Variants in LOXL2 observed in about 807,000 individuals in gnomAD.
LOXL2 encodes the protein lysyl oxidase homolog 2.
A neutral mutation model predicts 93.0 loss-of-function variants in LOXL2; 70 were observed. The ratio of observed to expected loss-of-function variants is 0.75; its 90% CI spans 0.62 to 0.92. The LOEUF (loss-of-function observed/expected upper bound fraction) is 0.92. LOXL2 is among the 40% of genes least tolerant of loss of function. LOXL2 has a pLI of 0.00. For synonymous variants in LOXL2, 438 were observed against 413.2 expected, an observed-to-expected ratio of 1.06 and a Z score of -0.73; for missense variants, 973 against 1,054.9, an observed-to-expected ratio of 0.92 and a Z score of 1.08.
At chr8:23,299,747 A>T (rs1480191755) in intron 12 of LOXL2, among the ~76,000 whole-genome samples, 4 of 152,176 alleles carry the variant, frequency 2.6e-5, no homozygotes, top group Non-Finnish European at 4.4e-5. Flanking sequence ...AAGGGCTGCG[A>T]CCCACAGCAG....
intron 3 of LOXL2, among the ~76,000 whole-genome samples, chr8:23,353,894 T>C (rs1052921749): frequency 2.6e-5 from 4 of 152,196 alleles, no homozygotes; most frequent in African/African-American, 9.6e-5. Context: ...TTGTTCTGGA[T>C]GCTGGTCAAA....
Position 23,364,359 on chromosome 8 carries a change from C to G in LOXL2, c.355+3638G>C, listed in dbSNP as rs567981112. On this transcript the variant is annotated intron_variant, in intron 2 of 13. Coordinates refer to ENST00000389131, the MANE Select transcript of LOXL2 (RefSeq NM_002318.3). The stretch of plus-strand genomic sequence containing the variant: ...CAAGATGACAGTCAAACTTTGGACA[C>G]AAGAAAGCCATTCAATCAGAAGCCA... 8 of 152,318 alleles carry G rather than the reference C, an allele frequency of 5.3e-5. No individual in the cohort carries two copies. In the East Asian group the frequency reaches 1.5e-3, roughly 29 times the overall value. The allele number at this position is 152,318 out of a possible 1,614,324, so 9.4% of individuals were successfully genotyped here. A position where few individuals can be genotyped will look rare whatever the true frequency, so the allele number is the denominator to read the frequency against.
At chr8:23,388,357 T>G (rs1366112634) in intron 1 of LOXL2, among the ~76,000 whole-genome samples, 2 of 152,104 alleles carry the variant, frequency 1.3e-5, no homozygotes, top group African/African-American at 4.8e-5. Context: ...GTGGGATGAT[T>G]GCTTCAGCTC....
chr8:23,340,962 A>G (rs1803872695), intron 4 of LOXL2, 30 bp downstream of exon 4: 6 of 1,591,666 alleles, frequency 3.8e-6, no homozygotes, highest in Non-Finnish European at 4.3e-6. Flanking sequence ...GGATACCCTC[A>G]AAGCCACCCC....
intron 10 of LOXL2, among the ~76,000 whole-genome samples, chr8:23,303,941 C>G (rs1442962964): frequency 6.6e-6 from 1 of 152,226 alleles, no homozygotes; most frequent in South Asian, 2.1e-4. Flanking sequence ...ACAGGACACA[C>G]ACAGGTACCC....
At chr8:23,348,295 T>A (rs1456972625) in intron 3 of LOXL2, among the ~76,000 whole-genome samples, 1 of 149,268 alleles carries the variant, frequency 6.7e-6, no homozygotes, top group Non-Finnish European at 1.5e-5. Context: ...CTGGGAGAAA[T>A]ACCTAATGTA....
chr8:23,318,172 G>C (rs1381531377), intron 8 of LOXL2, among the ~76,000 whole-genome samples: 5 of 69,372 alleles, frequency 7.2e-5, no homozygotes, highest in Non-Finnish European at 1.1e-4. Flanking sequence ...GATCTTAAGG[G>C]GTAAAAAAAA....
chr8:23,376,422 A>C (rs11996575), intron 1 of LOXL2, among the ~76,000 whole-genome samples: 13,347 of 152,086 alleles, frequency 0.088, 794 homozygotes, highest in African/African-American at 0.18. Flanking sequence ...TGTCTCTGCC[A>C]GGCTTTGGTA....
intron 9 of LOXL2, among the ~76,000 whole-genome samples, chr8:23,312,052 A>G (rs1803326414): frequency 6.6e-6 from 1 of 152,260 alleles, no homozygotes; most frequent in African/African-American, 2.4e-5. Flanking sequence ...AATCTAGAAG[A>G]AATGGATAAA....
chr8:23,352,918 C>T (rs1804118020), intron 3 of LOXL2, among the ~76,000 whole-genome samples: 1 of 150,194 alleles, frequency 6.7e-6, no homozygotes, highest in African/African-American at 2.4e-5. Context: ...ATCTCACAGC[C>T]TGGGGATTTT....
intron 6 of LOXL2, among the ~76,000 whole-genome samples, chr8:23,322,617 C>A (rs987787525): frequency 6.6e-6 from 1 of 152,190 alleles, no homozygotes; most frequent in African/African-American, 2.4e-5. Flanking sequence ...TCCTTCCCGA[C>A]TTTAATATTC....
chr8:23,351,647 C>G (rs1344201760), intron 3 of LOXL2, among the ~76,000 whole-genome samples: 1 of 152,208 alleles, frequency 6.6e-6, no homozygotes, highest in East Asian at 1.9e-4. Flanking sequence ...AGCATTGTAT[C>G]TGCAACACCT....
intron 6 of LOXL2, among the ~76,000 whole-genome samples, chr8:23,322,713 T>C (rs1803515217): frequency 2.0e-5 from 3 of 152,090 alleles, no homozygotes. Context: ...ACAAATTGGA[T>C]TGAGTTAGAA....
chr8:23,401,407 T>C (rs952219316), intron 1 of LOXL2, among the ~76,000 whole-genome samples: 7 of 152,226 alleles, frequency 4.6e-5, no homozygotes, highest in African/African-American at 1.7e-4. Flanking sequence ...TTTTTAGTTT[T>C]CTTAGGTCTA....
At chr8:23,299,850 T>C (rs1803099856) in intron 12 of LOXL2, among the ~76,000 whole-genome samples, 1 of 152,222 alleles carries the variant, frequency 6.6e-6, no homozygotes. Flanking sequence ...CCGCTGGGCT[T>C]GCCCAAAGAG....
chr8:23,308,367 A>T (rs905695035), intron 10 of LOXL2, among the ~76,000 whole-genome samples: 1 of 152,216 alleles, frequency 6.6e-6, no homozygotes, highest in Non-Finnish European at 1.5e-5. Flanking sequence ...GTGGTGGCAG[A>T]TACCTCTGGT....
chr8:23,316,419 C>T (rs1051218799), intron 9 of LOXL2, among the ~76,000 whole-genome samples: 4 of 152,166 alleles, frequency 2.6e-5, no homozygotes, highest in Non-Finnish European at 5.9e-5. Flanking sequence ...AAAAGGTTGT[C>T]TACTGCTCCT....
chr8:23,309,793 C>T lies in LOXL2; in HGVS notation c.1755G>A (p.Ala585=), dbSNP rs746555013. The T allele has an allele frequency of 1.5e-5, 24 of 1,603,464 alleles. No homozygotes were observed. Among genetic ancestry groups the T allele is most frequent in the African/African-American group, 2.7e-5 (2 of 74,516 alleles). Residue 585 remains alanine (A), a synonymous_variant, in exon 10 of 14, where the codon GCG becomes GCA. Coordinates refer to ENST00000389131, the MANE Select transcript of LOXL2 (RefSeq NM_002318.3). ...MEENCLSASA[A]QTDPTTGYRR... Reference sequence around the variant, plus strand: ...GGTAGCCCGTGGTGGGGTCGGTCTGCGCGGCTGAGGCCGAGAGGCAGTTCT... The same window carrying T: ...GGTAGCCCGTGGTGGGGTCGGTCTGTGCGGCTGAGGCCGAGAGGCAGTTCT...
At chr8:23,369,994 A>C (rs998502848) in intron 1 of LOXL2, among the ~76,000 whole-genome samples, 2 of 152,204 alleles carry the variant, frequency 1.3e-5, no homozygotes, top group Non-Finnish European at 2.9e-5. Context: ...AGAGGGTTAG[A>C]GATTTTGCCA....
Sources: allele counts gnomAD v4.1 joint callset (sites outside exome capture counted in the v4.1 genomes callset), GRCh38; gene constraint gnomAD v4.1.1; transcripts MANE v1.5; gene names NCBI Gene and HGNC (gene_info 2026-07-23, HGNC 2026-07-21).